ANKRD36B: variants seen among roughly 807,000 people sequenced by gnomAD.
ANKRD36B encodes ankyrin repeat domain-containing protein 36B.
A neutral mutation model predicts 135.7 loss-of-function variants in ANKRD36B; 37 were observed. The ratio of observed to expected loss-of-function variants is 0.27; its 90% confidence interval spans 0.21 to 0.36. ANKRD36B has a LOEUF of 0.36. Among genes scored for constraint, ANKRD36B ranks in the 10% least tolerant of loss-of-function variants. The probability of loss-of-function intolerance (pLI) is 1.00; values close to 1 mark genes in which losing one functional copy is unlikely to be tolerated. For synonymous variants in ANKRD36B, 179 were observed against 348.1 expected, an observed-to-expected ratio of 0.51 and a Z score of 5.41; for missense variants, 549 against 1,037.1, an observed-to-expected ratio of 0.53 and a Z score of 6.46.
In ANKRD36B at chr2:97,568,056, C is replaced by T. The variant is rs193082814; in HGVS notation, c.764-7196G>A. Among the ~76,000 whole-genome samples the T allele has an allele frequency of 3.3e-5, 5 of 152,242 alleles. No individual in the cohort carries two copies. In the East Asian group the frequency reaches 9.6e-4, roughly 29 times the overall value. ...GCTCACATTCACATAACTTTTATTA[C>T]AGTATATTGTTACAATTGATCTACT... On this transcript the variant is annotated intron_variant, in intron 6 of 43. Transcript: ENST00000359901.
In ANKRD36B at chr2:97,544,237, G is replaced by A. The variant is rs540004175; in HGVS notation, c.1682-252C>T. On this transcript the variant is annotated intron_variant, in intron 24 of 43. Transcript: ENST00000359901. The stretch of plus-strand genomic sequence containing the variant: ...ATATGTCTAAAACTAAAATAAAACC[G>A]TGTCAATATCAATGTGGATATGCCA... 2.2e-3 allele frequency among the ~76,000 whole-genome samples: 148 copies of A among 67,518 alleles called. 48 individuals are homozygous for A. In the Middle Eastern group the frequency reaches 0.029, roughly 13 times the overall value. The allele number at this position is 67,518 out of a possible 152,430, so 44.3% of individuals were successfully genotyped here. A position where few individuals can be genotyped will look rare whatever the true frequency, so the allele number is the denominator to read the frequency against.
At position 97,528,146 on chromosome 2, in the gene ANKRD36B, G is replaced by C. The variant is rs373583598; in HGVS notation, c.2265+4165C>G. ...CACCTATTCCAAAATTGACCACATA[G>C]TTGGAAGTAAAGCTCTCCTCAGCAA... is the stretch of plus-strand genomic sequence containing the variant. On this transcript the variant is annotated intron_variant, in intron 35 of 43. Coordinates refer to ENST00000359901, the MANE Select transcript of ANKRD36B (RefSeq NM_001393939.1). Among the ~76,000 whole-genome samples, 50 of 95,188 alleles carry C rather than the reference G, an allele frequency of 5.3e-4. 13 individuals are homozygous for C. The highest frequency in any genetic ancestry group is 1.4e-3 in the East Asian group (6 of 4,254). The allele number at this position is 95,188 out of a possible 152,430, so 62.4% of individuals were successfully genotyped here.
At chr2:97,585,912 C>CACTATTCTCTTATATAAGCT (rs2082945334) in intron 1 of ANKRD36B, among the ~76,000 whole-genome samples, 1 of 152,200 alleles carries the variant, frequency 6.6e-6, no homozygotes, top group Non-Finnish European at 1.5e-5. Flanking sequence ...CTCATTTTCT[C>CACTATTCTCTTATATAAGCT]ACTATTCTCT....
chr2:97,560,436 G>A (rs1475926875), intron 8 of ANKRD36B, among the ~76,000 whole-genome samples: 2 of 151,794 alleles, frequency 1.3e-5, no homozygotes, highest in African/African-American at 2.4e-5. Flanking sequence ...GCTCTCCAAT[G>A]TTTCTTCTTC....
intron 6 of ANKRD36B, among the ~76,000 whole-genome samples, chr2:97,562,878 T>A (rs2081150107): frequency 6.6e-6 from 1 of 152,058 alleles, no homozygotes; most frequent in Non-Finnish European, 1.5e-5. Flanking sequence ...AGACACTCTT[T>A]CACAGCTGTT....
At chr2:97,569,086 C>T (rs558843165) in intron 6 of ANKRD36B, among the ~76,000 whole-genome samples, 4 of 152,126 alleles carry the variant, frequency 2.6e-5, no homozygotes, top group Non-Finnish European at 5.9e-5. Context: ...GCTAGTCTAT[C>T]TGGACCCATC....
At chr2:97,575,159 C>T (rs867532917) in intron 6 of ANKRD36B, among the ~76,000 whole-genome samples, 1 of 148,284 alleles carries the variant, frequency 6.7e-6, no homozygotes, top group African/African-American at 2.4e-5. Flanking sequence ...TCCTCTCCTA[C>T]TTTTCTCTAG....
In ANKRD36B at chr2:97,540,331, C is replaced by T. The variant is rs796178163; in HGVS notation, c.1886-102G>A. The T allele has an allele frequency of 2.9e-5, 22 of 769,758 alleles. 5 individuals are homozygous for T. Among genetic ancestry groups the T allele is most frequent in the East Asian group, 2.2e-4 (8 of 36,964 alleles). The allele number at this position is 769,758 out of a possible 1,614,324, so 47.7% of individuals were successfully genotyped here. On this transcript the variant is annotated intron_variant, in intron 28 of 43. Coordinates refer to ENST00000359901, the MANE Select transcript of ANKRD36B (RefSeq NM_001393939.1). ...ATCAAGCTGTATCCTTCTGCCTGTACTAGGGTAGGATTTGATGTTTCCTAC... is the reference window on the plus strand; with the variant it reads ...ATCAAGCTGTATCCTTCTGCCTGTATTAGGGTAGGATTTGATGTTTCCTAC...
intron 16 of ANKRD36B, among the ~76,000 whole-genome samples, chr2:97,552,587 T>G (rs1047385821): frequency 6.6e-6 from 1 of 151,940 alleles, no homozygotes; most frequent in African/African-American, 2.4e-5. Context: ...ATCTAATATT[T>G]TTTAAGGACA....
At chr2:97,535,381 A>G (rs549497649) in intron 34 of ANKRD36B, among the ~76,000 whole-genome samples, 1 of 103,602 alleles carries the variant, frequency 9.7e-6, no homozygotes, top group Non-Finnish European at 2.6e-5. Context: ...CCCATTAACC[A>G]TGATGTCATT....
In ANKRD36B at chr2:97,553,242, T is replaced by C. The variant is rs764578465; in HGVS notation, c.1201-2A>G. ...AGAACCTTCCTCGTCAGTTGTAGCC[T>C]GAATGGAATTTGAAAGAAAATAATA... On this transcript the variant is annotated splice_acceptor_variant, in intron 15 of 43. Coordinates refer to ENST00000359901, the MANE Select transcript of ANKRD36B (RefSeq NM_001393939.1). LOFTEE classifies it high-confidence loss of function. The C allele has an allele frequency of 2.5e-6, 4 of 1,607,458 alleles. No individual in the cohort carries two copies. Among genetic ancestry groups the C allele is most frequent in the Non-Finnish European group, 8.5e-7 (1 of 1,178,220 alleles).
In ANKRD36B at chr2:97,589,828, G is replaced by C; in HGVS notation, c.-143C>G. The C allele has an allele frequency of 8.1e-7, 1 of 1,239,930 alleles. No individual in the cohort carries two copies. The highest frequency in any genetic ancestry group is 1.4e-5 in the South Asian group (1 of 73,494). The allele number at this position is 1,239,930 out of a possible 1,614,324, so 76.8% of individuals were successfully genotyped here. A position where few individuals can be genotyped will look rare whatever the true frequency, so the allele number is the denominator to read the frequency against. On this transcript the variant is annotated 5_prime_UTR_variant, in exon 1 of 44. Coordinates refer to ENST00000359901, the MANE Select transcript of ANKRD36B (RefSeq NM_001393939.1). ...CAAAGCAGTCTGTGCACGGACCTCC[G>C]CGCAGACTCTCAGCGCCTCCCGCCT...
rs561749231 is a variant in ANKRD36B, at chr2:97,533,537, G to A, written c.2192-1153C>T. 3.3e-4 allele frequency among the ~76,000 whole-genome samples: 32 copies of A among 97,112 alleles called. 9 individuals carry two copies. Among genetic ancestry groups the A allele is most frequent in the African/African-American group, 9.2e-4 (30 of 32,454 alleles). The allele number at this position is 97,112 out of a possible 152,430, so 63.7% of individuals were successfully genotyped here. A position where few individuals can be genotyped will look rare whatever the true frequency, so the allele number is the denominator to read the frequency against. Reference sequence around the variant, plus strand: ...TTTCCTATTATTTAGGAAGTACAAAGTTGTGAGGACACTTCCAATAAATAT... The same window carrying A: ...TTTCCTATTATTTAGGAAGTACAAAATTGTGAGGACACTTCCAATAAATAT... On this transcript the variant is annotated intron_variant, in intron 34 of 43. Transcript: ENST00000359901.
Position 97,545,640 on chromosome 2 carries a change from C to T in ANKRD36B, c.1681+26G>A, listed in dbSNP as rs1559148036. 3.2e-6 allele frequency: 3 copies of T among 937,630 alleles called. 1 individual carries two copies. Among genetic ancestry groups the T allele is most frequent in the Non-Finnish European group, 4.8e-6 (3 of 619,668 alleles). 58.1% of individuals were successfully genotyped at this position (937,630 alleles called of 1,614,324 possible). ...GATCTCTTCTATCTTGAACGAACAT[C>T]ATATTAAATGTGTTTGCAAAATTAC... On this transcript the variant is annotated intron_variant, in intron 24 of 43. Transcript: ENST00000359901.
chr2:97,559,384 A>G lies in ANKRD36B; in HGVS notation c.866-390T>C, dbSNP rs183428011. 2.6e-5 allele frequency among the ~76,000 whole-genome samples: 4 copies of G among 152,052 alleles called. No homozygotes were observed. In the East Asian group the frequency reaches 7.8e-4, roughly 30 times the overall value. On this transcript the variant is annotated intron_variant, in intron 8 of 43. Transcript: ENST00000359901. ...CTTGCAAGAAATCAGAAGGATTTAC[A>G]CCATTATACTACAGATGTTCATTAT...
rs761456776 is a variant in ANKRD36B at position 97,547,498 on chromosome 2, C to T, written c.1579+38G>A. 134 of 1,524,748 alleles carry T rather than the reference C, an allele frequency of 8.8e-5. 2 individuals carry two copies. The South Asian group carries it at 1.0e-3, about 12-fold the overall frequency. The allele number at this position is 1,524,748 out of a possible 1,614,324, so 94.5% of individuals were successfully genotyped here. On this transcript the variant is annotated intron_variant, in intron 22 of 43. Coordinates refer to ENST00000359901, the MANE Select transcript of ANKRD36B (RefSeq NM_001393939.1). ...CAGGGAAGAGAATTTCTTATCTACC[C>T]GGACTGAACATGACATTAAATCTCT... is the stretch of plus-strand genomic sequence containing the variant.
chr2:97,582,549 CA>C (rs1411971569), intron 3 of ANKRD36B, among the ~76,000 whole-genome samples: 3 of 152,062 alleles, frequency 2.0e-5, no homozygotes, highest in Non-Finnish European at 4.4e-5. Context: ...CAAGGGACAC[CA>C]GATTGGATTC....
At chr2:97,561,731 G>C (rs1432609376) in intron 6 of ANKRD36B, among the ~76,000 whole-genome samples, 1 of 151,934 alleles carries the variant, frequency 6.6e-6, no homozygotes, top group African/African-American at 2.4e-5. Context: ...AAAGTATCAT[G>C]TTATTCTCTA....
At position 97,530,726 on chromosome 2, in the gene ANKRD36B, C is replaced by G. The variant is rs200882532; in HGVS notation, c.2265+1585G>C. 1.6e-3 allele frequency among the ~76,000 whole-genome samples: 148 copies of G among 92,234 alleles called. 1 individual carries two copies. Among genetic ancestry groups the G allele is most frequent in the East Asian group, 3.3e-3 (13 of 3,954 alleles). The allele number at this position is 92,234 out of a possible 152,430, so 60.5% of individuals were successfully genotyped here. A position where few individuals can be genotyped will look rare whatever the true frequency, so the allele number is the denominator to read the frequency against. ...ATTTACAAGAAAAAAACAAACAACC[C>G]CATCAAAAAGTGGGCAAAGGATATC... On this transcript the variant is annotated intron_variant, in intron 35 of 43. Coordinates refer to ENST00000359901, the MANE Select transcript of ANKRD36B (RefSeq NM_001393939.1).
Sources: allele counts gnomAD v4.1 joint callset (sites outside exome capture counted in the v4.1 genomes callset), GRCh38; gene constraint gnomAD v4.1.1; transcripts MANE v1.5; gene names NCBI Gene and HGNC (gene_info 2026-07-23, HGNC 2026-07-21).